ALK: variants seen among roughly 807,000 people sequenced by gnomAD.
ALK encodes the protein ALK receptor tyrosine kinase.
A neutral mutation model predicts 163.1 loss-of-function variants in ALK; 74 were observed. The ratio of observed to expected loss-of-function variants is 0.45; its 90% confidence interval spans 0.38 to 0.55. The LOEUF (loss-of-function observed/expected upper bound fraction) is 0.55, where lower values mean the gene tolerates loss of function less well. ALK is among the 20% of genes least tolerant of loss of function. The probability of loss-of-function intolerance (pLI) is 0.00; values close to 1 mark genes in which losing one functional copy is unlikely to be tolerated. For missense variants in ALK, 2,063 were observed against 2,105.3 expected (o/e 0.98, Z 0.39); for synonymous variants, 960 against 843.2 (o/e 1.14, Z -2.40).
intron 3 of ALK, among the ~76,000 whole-genome samples, chr2:29,688,547 A>G (rs1678302547): frequency 6.6e-6 from 1 of 152,256 alleles, no homozygotes; most frequent in African/African-American, 2.4e-5. Context: ...CCATTAACTT[A>G]AAGTAGAAAC....
intron 5 of ALK, among the ~76,000 whole-genome samples, chr2:29,352,709 G>A (rs1020949033): frequency 1.3e-5 from 2 of 152,248 alleles, no homozygotes; most frequent in Non-Finnish European, 2.9e-5. Context: ...TAGTGGTAGA[G>A]AGGCAGGAGA....
intron 2 of ALK, among the ~76,000 whole-genome samples, chr2:29,717,064 C>T (rs1260951321): frequency 6.9e-6 from 1 of 144,286 alleles, no homozygotes; most frequent in Admixed American, 7.0e-5. Context: ...CCCAGCTACT[C>T]GGGAGGCTGA....
At chr2:29,615,473 T>C (rs1419425710) in intron 3 of ALK, among the ~76,000 whole-genome samples, 2 of 152,252 alleles carry the variant, frequency 1.3e-5, no homozygotes, top group Non-Finnish European at 2.9e-5. Context: ...GCCTAGCTCA[T>C]TGGCTTATAG....
Position 29,193,326 on chromosome 2 carries a change from C to G in ALK, c.4761G>C (p.Gln1587His), listed in dbSNP as rs1396711236. ...CGGCTTCTAAGGGCAAGCCCTGTTG[C>G]TGGTAGCCGTAATTGACATTCCCAC... ...FPCGNVNYGYQQQGLPLEAAT... is the reference protein window; with the variant it reads ...FPCGNVNYGYHQQGLPLEAAT... Residue 1587 changes from glutamine to histidine, a missense_variant, in exon 29 of 29, where the codon CAG becomes CAC. Coordinates refer to ENST00000389048, the MANE Select transcript of ALK (RefSeq NM_004304.5). 4 of 1,614,068 alleles carry G rather than the reference C, an allele frequency of 2.5e-6. No individual in the cohort carries two copies. The Admixed American group carries it at 6.7e-5, about 27-fold the overall frequency.
intron 23 of ALK, among the ~76,000 whole-genome samples, chr2:29,216,175 C>T (rs574964361): frequency 3.9e-5 from 6 of 152,212 alleles, no homozygotes; most frequent in East Asian, 1.9e-4. Flanking sequence ...CCCCATCTGC[C>T]GCTGGAGTGC....
At chr2:29,780,627 C>T (rs781766533) in intron 1 of ALK, among the ~76,000 whole-genome samples, 15 of 152,182 alleles carry the variant, frequency 9.9e-5, no homozygotes, top group Non-Finnish European at 2.1e-4. Context: ...GAGAGCTAAG[C>T]CCTGAACACC....
At chr2:29,757,626 G>A (rs984581819) in intron 1 of ALK, among the ~76,000 whole-genome samples, 6 of 149,614 alleles carry the variant, frequency 4.0e-5, no homozygotes, top group African/African-American at 1.5e-4. Context: ...TGTGTAATCT[G>A]CCAATGCCAC....
At chr2:29,689,386 G>A (rs1678329696) in intron 3 of ALK, among the ~76,000 whole-genome samples, 1 of 152,226 alleles carries the variant, frequency 6.6e-6, no homozygotes, top group African/African-American at 2.4e-5. Flanking sequence ...TGCACTTGCA[G>A]TTCAAAAGGT....
At chr2:29,480,034 C>G (rs960773776) in intron 4 of ALK, among the ~76,000 whole-genome samples, 2 of 152,142 alleles carry the variant, frequency 1.3e-5, no homozygotes, top group African/African-American at 4.8e-5. Context: ...TACTAAACAG[C>G]AGCTTTAAAA....
intron 1 of ALK, among the ~76,000 whole-genome samples, chr2:29,869,578 G>C (rs1344807477): frequency 6.6e-6 from 1 of 152,094 alleles, no homozygotes; most frequent in Non-Finnish European, 1.5e-5. Context: ...AATCAATTTA[G>C]ATCCTACACT....
chr2:29,481,059 G>A (rs75479532), intron 4 of ALK, among the ~76,000 whole-genome samples: 2,009 of 152,222 alleles, frequency 0.013, 24 homozygotes, highest in African/African-American at 0.029. Context: ...TGTAATGGGG[G>A]CCCATGCTCC....
At position 29,407,574 on chromosome 2, in the gene ALK, T is replaced by C. The variant is rs571844265; in HGVS notation, c.1155-23715A>G. On this transcript the variant is annotated intron_variant, in intron 4 of 28. Coordinates refer to ENST00000389048, the MANE Select transcript of ALK (RefSeq NM_004304.5). Reference sequence around the variant, plus strand: ...CACTGCTCTTAACTGTTACCTTTTATGGTCTCCTAACCCACGAGGAACCAA... The same window carrying C: ...CACTGCTCTTAACTGTTACCTTTTACGGTCTCCTAACCCACGAGGAACCAA... Among the ~76,000 whole-genome samples, 39 of 152,382 alleles carry C rather than the reference T, an allele frequency of 2.6e-4. No individual in the cohort carries two copies. The East Asian group carries it at 6.7e-3, about 26-fold the overall frequency.
At chr2:29,388,060 A>G (rs907000420) in intron 4 of ALK, among the ~76,000 whole-genome samples, 2 of 152,216 alleles carry the variant, frequency 1.3e-5, no homozygotes, top group African/African-American at 2.4e-5. Context: ...TTTGTCAGAA[A>G]AATCTACAAA....
At chr2:29,498,670 C>T (rs1037294591) in intron 4 of ALK, among the ~76,000 whole-genome samples, 1 of 152,196 alleles carries the variant, frequency 6.6e-6, no homozygotes, top group Non-Finnish European at 1.5e-5. Context: ...CTCATTTGCT[C>T]ATTTGTCTGC....
intron 3 of ALK, among the ~76,000 whole-genome samples, chr2:29,672,576 T>C (rs1283597218): frequency 0.023 from 3,382 of 150,254 alleles, 108 homozygotes; most frequent in African/African-American, 0.079. Context: ...CAGTCTATCA[T>C]TGTTGGACAT....
chr2:29,389,496 C>G (rs1320895347), intron 4 of ALK, among the ~76,000 whole-genome samples: 2 of 152,182 alleles, frequency 1.3e-5, no homozygotes, highest in East Asian at 3.8e-4. Flanking sequence ...TCATTGGCCT[C>G]TACAGGAAGG....
intron 18 of ALK, among the ~76,000 whole-genome samples, chr2:29,226,446 C>T (rs1418664980): frequency 1.4e-5 from 2 of 144,880 alleles, no homozygotes; most frequent in Non-Finnish European, 3.0e-5. Context: ...CCATTGCATT[C>T]CAGCCTGGGC....
intron 3 of ALK, among the ~76,000 whole-genome samples, chr2:29,551,081 T>C (rs1035684968): frequency 6.6e-6 from 1 of 152,170 alleles, no homozygotes; most frequent in Non-Finnish European, 1.5e-5. Context: ...TTCTGGAAGA[T>C]AGTCCACCAA....
chr2:29,574,692 G>C (rs937116251), intron 3 of ALK, among the ~76,000 whole-genome samples: 1 of 152,238 alleles, frequency 6.6e-6, no homozygotes, highest in African/African-American at 2.4e-5. Flanking sequence ...CTTGCTTTGA[G>C]GCAGGGCCTC....
Sources: gnomAD v4.1 joint callset for allele counts (sites outside exome capture counted in the v4.1 genomes callset) on GRCh38, gnomAD v4.1.1 for gene constraint, MANE v1.5 for transcripts, NCBI Gene and HGNC (gene_info 2026-07-23, HGNC 2026-07-21) for gene names.